The following URI1 variants were observed in gnomAD, a reference collection of about 807,000 sequenced individuals.
The protein encoded by URI1 is unconventional prefoldin RPB5 interactor 1.
In URI1, 39 loss-of-function variants were observed where a neutral mutation model predicts 60.2. The ratio of observed to expected loss-of-function variants is 0.65; its 90% confidence interval spans 0.50 to 0.85. URI1 has a LOEUF of 0.85. URI1 is among the 40% of genes least tolerant of loss of function. URI1 has a pLI of 0.00. For synonymous variants in URI1, 251 were observed against 236.8 expected (o/e 1.06, Z -0.55); for missense variants, 691 against 665.9 (o/e 1.04, Z -0.42).
chr19:30,004,911 A>G (rs1362406261), intron 4 of URI1, among the ~76,000 whole-genome samples: 1 of 151,946 alleles, frequency 6.6e-6, no homozygotes, highest in Non-Finnish European at 1.5e-5. Flanking sequence ...AATGTGTTGT[A>G]TTTTCAGTCA....
intron 4 of URI1, among the ~76,000 whole-genome samples, chr19:29,998,980 T>TTCTA (rs1359601857): frequency 6.6e-6 from 1 of 152,120 alleles, no homozygotes; most frequent in Non-Finnish European, 1.5e-5. Flanking sequence ...GGTATTTTCT[T>TTCTA]TGTGGTTACC....
intron 2 of URI1, among the ~76,000 whole-genome samples, chr19:29,974,105 A>G (rs993146296): frequency 1.9e-4 from 29 of 152,086 alleles, no homozygotes; most frequent in African/African-American, 6.8e-4. Context: ...GAATCCTGTC[A>G]TTTACTAGCG....
At chr19:29,967,106 A>T (rs1188112248) in intron 1 of URI1, among the ~76,000 whole-genome samples, 1 of 152,244 alleles carries the variant, frequency 6.6e-6, no homozygotes, top group Non-Finnish European at 1.5e-5. Context: ...TGGAGATCTT[A>T]CTGCATGTTA....
chr19:29,937,043 T>C (rs1043691161), intron 1 of URI1, among the ~76,000 whole-genome samples: 1 of 152,184 alleles, frequency 6.6e-6, no homozygotes, highest in South Asian at 2.1e-4. Flanking sequence ...TGAGCCACCA[T>C]GGCCAGCCTA....
intron 4 of URI1, among the ~76,000 whole-genome samples, chr19:30,000,183 C>CT (rs1054802435): frequency 1.3e-5 from 2 of 151,678 alleles, no homozygotes. Context: ...AATTTAACTG[C>CT]TTTTTTTGTT....
intron 1 of URI1, among the ~76,000 whole-genome samples, chr19:29,950,217 G>C (rs1010697450): frequency 2.0e-5 from 3 of 152,172 alleles, no homozygotes; most frequent in African/African-American, 7.2e-5. Context: ...ATTGTTTTAG[G>C]CTTCTCTAGA....
chr19:29,954,545 A>C, intron 1 of URI1, among the ~76,000 whole-genome samples: 6 of 115,292 alleles, frequency 5.2e-5, no homozygotes, highest in East Asian at 2.4e-4. Flanking sequence ...ACAGAGTTTC[A>C]CTCTTGTTGC....
At chr19:29,994,973 G>A (rs1443313176) in intron 4 of URI1, among the ~76,000 whole-genome samples, 1 of 151,848 alleles carries the variant, frequency 6.6e-6, no homozygotes, top group African/African-American at 2.4e-5. Context: ...GTAGAGACAG[G>A]GTTTCACCAT....
chr19:29,960,699 C>T (rs1211911817), intron 1 of URI1, among the ~76,000 whole-genome samples: 2 of 152,072 alleles, frequency 1.3e-5, no homozygotes, highest in African/African-American at 2.4e-5. Context: ...TTTTAATATT[C>T]AGTCTAGATA....
At chr19:29,961,685 TTTTTTG>T (rs2055327091) in intron 1 of URI1, among the ~76,000 whole-genome samples, 1 of 150,084 alleles carries the variant, frequency 6.7e-6, no homozygotes, top group African/African-American at 2.5e-5. Flanking sequence ...GTTTTTTTTT[TTTTTTG>T]TTGTTTGTTT....
At chr19:29,950,277 A>G (rs1267121208) in intron 1 of URI1, among the ~76,000 whole-genome samples, 1 of 152,236 alleles carries the variant, frequency 6.6e-6, no homozygotes, top group Non-Finnish European at 1.5e-5. Flanking sequence ...GAAAGGGGGA[A>G]GAAGGTGCGT....
Position 30,012,718 on chromosome 19 carries a change from A to G in URI1, c.1425+187A>G, listed in dbSNP as rs573789375. The G allele has an allele frequency of 2.0e-4, 140 of 691,032 alleles. No individual in the cohort carries two copies. The African/African-American group carries it at 2.3e-3, about 11-fold the overall frequency. 42.8% of individuals were successfully genotyped at this position (691,032 alleles called of 1,614,324 possible). A position where few individuals can be genotyped will look rare whatever the true frequency, so the allele number is the denominator to read the frequency against. On this transcript the variant is annotated intron_variant, in intron 10 of 10. Transcript: ENST00000392271. ...ATAATCAAATAGTTTATTTTTTGAT[A>G]AACACATTACTTGTCTTAACGTTCT...
At chr19:29,950,507 G>C (rs1381155087) in intron 1 of URI1, among the ~76,000 whole-genome samples, 1 of 152,112 alleles carries the variant, frequency 6.6e-6, no homozygotes, top group Non-Finnish European at 1.5e-5. Context: ...GATGACCACT[G>C]TTTAGAGTAA....
intron 1 of URI1, among the ~76,000 whole-genome samples, chr19:29,954,874 A>T (rs1285371707): frequency 6.6e-6 from 1 of 152,084 alleles, no homozygotes; most frequent in Non-Finnish European, 1.5e-5. Flanking sequence ...TTCTTCAAAA[A>T]TACATGTGTT....
At chr19:29,997,985 G>A (rs1191730204) in intron 4 of URI1, among the ~76,000 whole-genome samples, 1 of 152,078 alleles carries the variant, frequency 6.6e-6, no homozygotes, top group Non-Finnish European at 1.5e-5. Flanking sequence ...GGCTAGTCTT[G>A]AATTCCTGGC....
chr19:29,953,160 G>A (rs1480344735), intron 1 of URI1, among the ~76,000 whole-genome samples: 1 of 152,170 alleles, frequency 6.6e-6, no homozygotes, highest in East Asian at 1.9e-4. Flanking sequence ...CATCACGAGT[G>A]TCTTTCTGCG....
At chr19:30,006,734 C>T (rs888481609) in intron 6 of URI1, among the ~76,000 whole-genome samples, 1 of 152,058 alleles carries the variant, frequency 6.6e-6, no homozygotes, top group African/African-American at 2.4e-5. Context: ...TCTTAGACTT[C>T]TTCCCATTAC....
chr19:30,014,213 A>C (rs1452831413), intron 10 of URI1: 2 of 152,218 alleles, frequency 1.3e-5, no homozygotes, highest in Admixed American at 6.5e-5. Flanking sequence ...TAAATGCAGC[A>C]AACATCCAGG....
intron 4 of URI1, among the ~76,000 whole-genome samples, chr19:30,004,896 TA>T (rs2055921268): frequency 6.6e-6 from 1 of 152,052 alleles, no homozygotes; most frequent in African/African-American, 2.4e-5. Context: ...TTATATACCG[TA>T]AAAAATGTGT....
Sources: allele counts gnomAD v4.1 joint callset (sites outside exome capture counted in the v4.1 genomes callset), GRCh38; gene constraint gnomAD v4.1.1; transcripts MANE v1.5; gene names NCBI Gene and HGNC (gene_info 2026-07-23, HGNC 2026-07-21).